The following ADAMTS6 variants were observed in gnomAD, a reference collection of about 807,000 sequenced individuals.
The protein encoded by ADAMTS6 is A disintegrin and metalloproteinase with thrombospondin motifs 6.
ADAMTS6 carries 23 observed loss-of-function variants against 144.3 expected under a neutral mutation model. The observed-to-expected ratio is 0.16, with a 90% CI of 0.11 to 0.23. ADAMTS6 has a LOEUF of 0.23. Among genes scored for constraint, ADAMTS6 ranks in the 10% least tolerant of loss-of-function variants. ADAMTS6 has a pLI of 1.00. For missense variants in ADAMTS6, 999 were observed against 1,379.6 expected, an observed-to-expected ratio of 0.72 and a Z score of 4.37; for synonymous variants, 444 against 457.5, an observed-to-expected ratio of 0.97 and a Z score of 0.38.
At chr5:65,381,325 T>C (rs1424437288) in intron 7 of ADAMTS6, among the ~76,000 whole-genome samples, 3 of 151,572 alleles carry the variant, frequency 2.0e-5, no homozygotes, top group African/African-American at 4.8e-5. Context: ...TATAAGCTTC[T>C]AGGTAACCAA....
intron 7 of ADAMTS6, among the ~76,000 whole-genome samples, chr5:65,404,627 G>C (rs977009237): frequency 2.0e-5 from 3 of 152,124 alleles, no homozygotes; most frequent in African/African-American, 4.8e-5. Flanking sequence ...TGTCTTTATA[G>C]CAGCATGATT....
intron 7 of ADAMTS6, among the ~76,000 whole-genome samples, chr5:65,360,696 TTTC>T (rs1681979021): frequency 6.6e-6 from 1 of 152,204 alleles, no homozygotes; most frequent in South Asian, 2.1e-4. Flanking sequence ...CAAGACCATT[TTTC>T]TTATTTCATT....
chr5:65,206,699 C>CAAAAAAAAAAAAA (rs11296295), intron 20 of ADAMTS6, among the ~76,000 whole-genome samples: 1 of 77,890 alleles, frequency 1.3e-5, no homozygotes, highest in Non-Finnish European at 2.4e-5. Context: ...GACTCCATCT[C>CAAAAAAAAAAAAA]AAAAAAAAAA....
rs973502034 is a variant in ADAMTS6, at chr5:65,176,695, A to G, written c.2911-3687T>C. Among the ~76,000 whole-genome samples, 5 of 152,388 alleles carry G rather than the reference A, an allele frequency of 3.3e-5. No individual in the cohort carries two copies. In the South Asian group the frequency reaches 8.3e-4, roughly 25 times the overall value. ...CTTACCTTATGGTCTGACATTAAAAATTGAATAAATGTCTACAAAGTTTAT... is the reference window on the plus strand; with the variant it reads ...CTTACCTTATGGTCTGACATTAAAAGTTGAATAAATGTCTACAAAGTTTAT... On this transcript the variant is annotated intron_variant, in intron 22 of 24. Coordinates refer to ENST00000381055, the MANE Select transcript of ADAMTS6 (RefSeq NM_197941.4).
intron 12 of ADAMTS6, among the ~76,000 whole-genome samples, chr5:65,263,780 G>A (rs903033840): frequency 2.6e-5 from 4 of 152,050 alleles, no homozygotes; most frequent in African/African-American, 9.7e-5. Flanking sequence ...GTAGACTTTT[G>A]TTGATGCATT....
intron 7 of ADAMTS6, among the ~76,000 whole-genome samples, chr5:65,410,231 A>G (rs1287314854): frequency 6.6e-6 from 1 of 152,198 alleles, no homozygotes; most frequent in Admixed American, 6.5e-5. Context: ...CTACGCAACA[A>G]AAGTCAATGT....
intron 7 of ADAMTS6, among the ~76,000 whole-genome samples, chr5:65,399,265 TGGA>T (rs1753716807): frequency 6.6e-6 from 1 of 152,186 alleles, no homozygotes; most frequent in Non-Finnish European, 1.5e-5. Context: ...CAAGAAAAAG[TGGA>T]CTTCTTGTAG....
intron 10 of ADAMTS6, among the ~76,000 whole-genome samples, chr5:65,294,526 A>G (rs1742643774): frequency 1.3e-5 from 2 of 152,164 alleles, no homozygotes; most frequent in Non-Finnish European, 2.9e-5. Context: ...TTAATTCTTA[A>G]CTAAGGGTTA....
chr5:65,276,509 C>T (rs1762557395), intron 11 of ADAMTS6, among the ~76,000 whole-genome samples: 1 of 152,110 alleles, frequency 6.6e-6, no homozygotes, highest in South Asian at 2.1e-4. Flanking sequence ...AGGATACTCT[C>T]TTGAAAGATA....
At chr5:65,360,999 T>G (rs1208278507) in intron 7 of ADAMTS6, among the ~76,000 whole-genome samples, 1 of 152,186 alleles carries the variant, frequency 6.6e-6, no homozygotes, top group Non-Finnish European at 1.5e-5. Flanking sequence ...AAGAACTTAG[T>G]GAATCCTGTG....
chr5:65,394,613 A>T (rs1217802691), intron 7 of ADAMTS6, among the ~76,000 whole-genome samples: 1 of 152,218 alleles, frequency 6.6e-6, no homozygotes, highest in East Asian at 1.9e-4. Flanking sequence ...TATGGAAGTC[A>T]TGCTGAATGT....
chr5:65,216,442 T>A (rs1382839178), intron 18 of ADAMTS6, among the ~76,000 whole-genome samples: 1 of 98,160 alleles, frequency 1.0e-5, no homozygotes, highest in Non-Finnish European at 2.0e-5. Context: ...ATGGGGAGAA[T>A]GGGGATTCAC....
intron 24 of ADAMTS6, among the ~76,000 whole-genome samples, chr5:65,161,295 C>T (rs889482120): frequency 2.0e-5 from 3 of 152,058 alleles, no homozygotes; most frequent in African/African-American, 4.8e-5. Context: ...CCCTTGGCCT[C>T]CCAAAATGTT....
At chr5:65,459,718 G>A (rs1215101784) in intron 4 of ADAMTS6, among the ~76,000 whole-genome samples, 1 of 152,046 alleles carries the variant, frequency 6.6e-6, no homozygotes, top group Non-Finnish European at 1.5e-5. Context: ...GTCTAAGTTT[G>A]TTGCCCGTAC....
chr5:65,204,783 C>T (rs952965849), intron 20 of ADAMTS6, among the ~76,000 whole-genome samples: 26 of 152,074 alleles, frequency 1.7e-4, no homozygotes, highest in Non-Finnish European at 2.8e-4. Context: ...TTTATATCTA[C>T]GTTTGATATA....
At chr5:65,410,708 T>G (rs1754980896) in intron 7 of ADAMTS6, among the ~76,000 whole-genome samples, 1 of 152,186 alleles carries the variant, frequency 6.6e-6, no homozygotes, top group Admixed American at 6.5e-5. Context: ...AACCACCATT[T>G]TACTCTCTAT....
chr5:65,180,719 T>G (rs1754296345), intron 22 of ADAMTS6, among the ~76,000 whole-genome samples: 1 of 152,134 alleles, frequency 6.6e-6, no homozygotes, highest in African/African-American at 2.4e-5. Flanking sequence ...AAAAAATCCC[T>G]TAATGGCTTA....
At chr5:65,317,409 T>C (rs1245551608) in intron 9 of ADAMTS6, among the ~76,000 whole-genome samples, 1 of 152,170 alleles carries the variant, frequency 6.6e-6, no homozygotes, top group African/African-American at 2.4e-5. Context: ...CAAATCAAGA[T>C]GGATTAAACA....
chr5:65,396,355 T>C (rs1295328435), intron 7 of ADAMTS6, among the ~76,000 whole-genome samples: 1 of 152,192 alleles, frequency 6.6e-6, no homozygotes, highest in African/African-American at 2.4e-5. Flanking sequence ...AAAGAAACTT[T>C]AAAATAAAGT....
Sources: allele counts gnomAD v4.1 joint callset (sites outside exome capture counted in the v4.1 genomes callset), GRCh38; gene constraint gnomAD v4.1.1; transcripts MANE v1.5; gene names NCBI Gene and HGNC (gene_info 2026-07-23, HGNC 2026-07-21).